The following GRIP1 variants were observed in gnomAD, a reference collection of about 807,000 sequenced individuals.
GRIP1 encodes glutamate receptor interacting protein 1.
A neutral mutation model predicts 129.9 loss-of-function variants in GRIP1; 45 were observed. That is an observed-to-expected ratio of 0.35 (90% CI 0.27 to 0.44). The LOEUF (loss-of-function observed/expected upper bound fraction) is 0.44, where lower values mean the gene tolerates loss of function less well. Ranked by LOEUF, GRIP1 falls within the 20% of genes least tolerant of loss-of-function variation. The pLI, the probability that GRIP1 is intolerant of heterozygous loss-of-function variation, is 1.00. For synonymous variants in GRIP1, 530 were observed against 520.8 expected (o/e 1.02, Z -0.24); for missense variants, 1,196 against 1,396.8 (o/e 0.86, Z 2.29).
chr12:66,987,111 G>A (rs2042324633), intron 1 of GRIP1, among the ~76,000 whole-genome samples: 1 of 152,086 alleles, frequency 6.6e-6, no homozygotes, highest in South Asian at 2.1e-4. Flanking sequence ...AACTCCTGGA[G>A]CTTTCTAGGA....
intron 1 of GRIP1, among the ~76,000 whole-genome samples, chr12:66,780,769 G>A (rs2038132292): frequency 1.3e-5 from 2 of 152,144 alleles, no homozygotes; most frequent in Admixed American, 1.3e-4. Flanking sequence ...TCATAAAAAT[G>A]CCATGCACTG....
At chr12:66,811,236 T>A (rs1189227413) in intron 1 of GRIP1, among the ~76,000 whole-genome samples, 2 of 152,228 alleles carry the variant, frequency 1.3e-5, no homozygotes, top group Non-Finnish European at 2.9e-5. Context: ...TCAATAAGTG[T>A]AGAATGAGCA....
upstream of GRIP1, among the ~76,000 whole-genome samples, chr12:66,680,964 A>AT (rs59371171): frequency 0.17 from 25,851 of 151,786 alleles, 2,353 homozygotes; most frequent in East Asian, 0.26. Context: ...TAATATGCTT[A>AT]TTTTTTTTGT....
intron 1 of GRIP1, among the ~76,000 whole-genome samples, chr12:67,029,059 AG>A (rs1221710722): frequency 6.6e-6 from 1 of 152,110 alleles, no homozygotes; most frequent in African/African-American, 2.4e-5. Flanking sequence ...ACTTGAGGCC[AG>A]GGGTTCAAGA....
At chr12:66,868,641 C>T (rs2040244717) in intron 1 of GRIP1, among the ~76,000 whole-genome samples, 1 of 152,016 alleles carries the variant, frequency 6.6e-6, no homozygotes, top group Non-Finnish European at 1.5e-5. Flanking sequence ...CAATCATCTG[C>T]CCCTCAAAAT....
intron 1 of GRIP1, among the ~76,000 whole-genome samples, chr12:66,648,463 T>G (rs1327475841): frequency 2.0e-5 from 3 of 152,216 alleles, no homozygotes; most frequent in Non-Finnish European, 4.4e-5. Context: ...TTACGGCAGT[T>G]GTTCAATAAA....
chr12:66,689,295 G>C (rs1305145711), intron 1 of GRIP1, among the ~76,000 whole-genome samples: 1 of 152,160 alleles, frequency 6.6e-6, no homozygotes, highest in Non-Finnish European at 1.5e-5. Context: ...AGAAACGAGG[G>C]GCACATGGGA....
chr12:66,584,086 G>T lies in GRIP1; in HGVS notation c.136+12761C>A, dbSNP rs1320025884. Reference sequence around the variant, plus strand: ...TGGAATACTATGCAGCCATAAAAAAGGATGAGTTCATGTCCTTTGTAGGGA... The same window carrying T: ...TGGAATACTATGCAGCCATAAAAAATGATGAGTTCATGTCCTTTGTAGGGA... On this transcript the variant is annotated intron_variant, in intron 2 of 24. Coordinates refer to ENST00000359742, the MANE Select transcript of GRIP1 (RefSeq NM_001366722.1). 1.9e-4 allele frequency among the ~76,000 whole-genome samples: 28 copies of T among 149,706 alleles called. No individual in the cohort carries two copies. The East Asian group carries it at 2.5e-3, about 14-fold the overall frequency.
intron 7 of GRIP1, among the ~76,000 whole-genome samples, chr12:66,504,099 T>G (rs137922210): frequency 2.4e-4 from 37 of 152,194 alleles, no homozygotes; most frequent in African/African-American, 8.7e-4. Flanking sequence ...AACATCCCCA[T>G]CAAGAGGGGC....
At chr12:66,860,607 C>A (rs1422487201) in intron 1 of GRIP1, among the ~76,000 whole-genome samples, 1 of 151,940 alleles carries the variant, frequency 6.6e-6, no homozygotes, top group Non-Finnish European at 1.5e-5. Context: ...CCTGACTTGA[C>A]CACATCTGCA....
chr12:66,540,793 T>C (rs1168765668), intron 3 of GRIP1, among the ~76,000 whole-genome samples: 2 of 151,944 alleles, frequency 1.3e-5, no homozygotes, highest in Admixed American at 1.3e-4. Context: ...TTTTTACTTA[T>C]TTATTTATTT....
At chr12:67,047,913 T>G (rs1160577108) in intron 1 of GRIP1, among the ~76,000 whole-genome samples, 1 of 152,218 alleles carries the variant, frequency 6.6e-6, no homozygotes, top group African/African-American at 2.4e-5. Context: ...CTGGACAGCC[T>G]CTTTTTTATA....
intron 2 of GRIP1, among the ~76,000 whole-genome samples, chr12:66,579,062 C>T (rs1029934288): frequency 3.3e-5 from 5 of 152,180 alleles, no homozygotes; most frequent in Admixed American, 1.3e-4. Flanking sequence ...TGAGACAAAA[C>T]TTCCAGAGGA....
chr12:66,606,762 T>C (rs939528684), intron 1 of GRIP1, among the ~76,000 whole-genome samples: 3 of 152,164 alleles, frequency 2.0e-5, no homozygotes, highest in Non-Finnish European at 4.4e-5. Context: ...GCATATTACA[T>C]GCCTAGCACT....
intron 11 of GRIP1, among the ~76,000 whole-genome samples, chr12:66,446,997 T>A (rs1161007610): frequency 6.6e-6 from 1 of 152,226 alleles, no homozygotes; most frequent in Non-Finnish European, 1.5e-5. Context: ...TCTATTGATT[T>A]TAGCAACAGA....
At chr12:66,356,999 C>G (rs2054519900) in intron 23 of GRIP1, among the ~76,000 whole-genome samples, 1 of 152,176 alleles carries the variant, frequency 6.6e-6, no homozygotes, top group Non-Finnish European at 1.5e-5. Flanking sequence ...ATCTCAGCCA[C>G]CTGAGTATCT....
At chr12:66,683,189 C>G (rs2034652527), upstream of GRIP1, among the ~76,000 whole-genome samples, 1 of 152,136 alleles carries the variant, frequency 6.6e-6, no homozygotes, top group Non-Finnish European at 1.5e-5. Context: ...GACAACGTCA[C>G]TGACTCATTC....
rs1387398595 is a variant in GRIP1, at chr12:66,353,437, G to T, written c.3139C>A (p.Pro1047Thr). 6.2e-7 allele frequency: 1 copy of T among 1,612,280 alleles called. No homozygotes were observed. The change falls in exon 24 of 25, where the codon CCC (proline) becomes ACC (threonine). Residue 1047 changes from proline to threonine, a missense_variant. Around this residue, in one of 5 missense-constraint regions of GRIP1, gnomAD observed 427 missense variants for 463.3 expected, o/e 0.92. Coordinates refer to ENST00000359742, the MANE Select transcript of GRIP1 (RefSeq NM_001366722.1). ...CTTACCTGTAAGAGCCTGTCATAGGGCTTTAAGCCACCAAGATCTCCTGGC... is the reference window on the plus strand; with the variant it reads ...CTTACCTGTAAGAGCCTGTCATAGGTCTTTAAGCCACCAAGATCTCCTGGC... ...AGPGDLGGLKPYDRLLQVNHV... is the reference protein window; with the variant it reads ...AGPGDLGGLKTYDRLLQVNHV...
Position 66,349,105 on chromosome 12 carries a change from C to T in GRIP1, c.3301G>A (p.Asp1101Asn). The change falls in exon 25 of 25, where the codon GAT (aspartate) becomes AAT (asparagine). Residue 1101 changes from aspartate to asparagine, a missense_variant. By Grantham distance (23) the Asp-to-Asn change is conservative. Coordinates refer to ENST00000359742, the MANE Select transcript of GRIP1 (RefSeq NM_001366722.1). ...KSIDQQSLPG[D>N]WSEQNSAFFQ... is the part of the protein sequence containing the mutation. ...AAAGCACTGTTCTGTTCACTCCAAT[C>T]TCCTGGTAGACTCTGTTGGTCTATA... The T allele has an allele frequency of 6.2e-7, 1 of 1,614,120 alleles. No individual in the cohort carries two copies. The highest frequency in any genetic ancestry group is 8.5e-7 in the Non-Finnish European group (1 of 1,179,964).
Sources: allele counts gnomAD v4.1 joint callset (sites outside exome capture counted in the v4.1 genomes callset), GRCh38; gene constraint gnomAD v4.1.1; regional missense constraint gnomAD v4.1.1; transcripts MANE v1.5; gene names NCBI Gene and HGNC (gene_info 2026-07-23, HGNC 2026-07-21).